Variants in LRP1B observed in about 807,000 individuals in gnomAD.
The protein encoded by LRP1B is LDL receptor related protein 1B.
A neutral mutation model predicts 556.6 loss-of-function variants in LRP1B; 217 were observed. The ratio of observed to expected loss-of-function variants is 0.39; its 90% CI spans 0.35 to 0.44. The LOEUF is 0.44. Ranked by LOEUF, LRP1B falls within the 20% of genes least tolerant of loss-of-function variation. LRP1B has a pLI of 1.00. For synonymous variants in LRP1B, 2,047 were observed against 1,865.8 expected (o/e 1.10, Z -2.50); for missense variants, 5,053 against 5,620.8 (o/e 0.90, Z 3.23).
intron 75 of LRP1B, among the ~76,000 whole-genome samples, chr2:140,353,295 A>G (rs540194681): frequency 1.3e-5 from 2 of 152,212 alleles, no homozygotes; most frequent in African/African-American, 4.8e-5. Flanking sequence ...TTATTAATCC[A>G]CTTAAAATAT....
intron 32 of LRP1B, among the ~76,000 whole-genome samples, chr2:140,798,462 C>T (rs1690393590): frequency 6.6e-6 from 1 of 152,120 alleles, no homozygotes; most frequent in Admixed American, 6.5e-5. Flanking sequence ...TGCTCTCTTT[C>T]ATTTATTTTT....
rs375213454 is a variant in LRP1B, at chr2:141,668,985, T to C, written c.205+141294A>G. On this transcript the variant is annotated intron_variant, in intron 2 of 90. Coordinates refer to ENST00000389484, the MANE Select transcript of LRP1B (RefSeq NM_018557.3). ...CCCCTGTGGCACGTCACAATACCCT[T>C]GTGATGGGGGTCAAGGAACTCTGCT... 1.0e-3 allele frequency among the ~76,000 whole-genome samples: 157 copies of C among 152,208 alleles called. 1 individual carries two copies. The highest frequency in any genetic ancestry group is 3.3e-3 in the East Asian group (17 of 5,162).
At chr2:140,461,960 A>C (rs1294571553) in intron 60 of LRP1B, among the ~76,000 whole-genome samples, 1 of 152,364 alleles carries the variant, frequency 6.6e-6, no homozygotes, top group Non-Finnish European at 1.5e-5. Context: ...TTTACAGAGT[A>C]ACATGAGCTT....
At chr2:140,868,038 C>T (rs2105155496) in intron 26 of LRP1B, 61 bp downstream of exon 26, 1 of 1,500,758 alleles carries the variant, frequency 6.7e-7, no homozygotes, top group East Asian at 2.3e-5. Flanking sequence ...GGACACTTTC[C>T]AATGTTGTAA....
intron 18 of LRP1B, among the ~76,000 whole-genome samples, chr2:140,970,744 T>C (rs202147537): frequency 0.73 from 75,030 of 103,276 alleles, 26,405 homozygotes; most frequent in Admixed American, 0.77. Context: ...TTTTTTTTTT[T>C]TTTTTTTTTT....
chr2:142,052,807 G>A (rs933058947), intron 1 of LRP1B, among the ~76,000 whole-genome samples: 1 of 152,118 alleles, frequency 6.6e-6, no homozygotes, highest in African/African-American at 2.4e-5. Context: ...TGTGCCAAAA[G>A]CTGACTCTAT....
At position 140,907,982 on chromosome 2, in the gene LRP1B, G is replaced by A. The variant is rs1255478119; in HGVS notation, c.3415C>T (p.Pro1139Ser). The change falls in exon 22 of 91, where the codon CCC becomes TCC. Residue 1139 changes from proline (P) to serine (S), a missense_variant. Around this residue, in one of 5 missense-constraint regions of LRP1B, gnomAD observed 3,619 missense variants for 3,931.9 expected, o/e 0.92. Coordinates refer to ENST00000389484, the MANE Select transcript of LRP1B (RefSeq NM_018557.3). ...GTGTCATTAGCACAAGGATGCTTGG[G>A]TGGTCCACACAAGAAACTGTCACAG... Reference protein sequence around the residue: ...DDCDSFLCGPPKHPCANDTSV... With the variant: ...DDCDSFLCGPSKHPCANDTSV... The A allele has an allele frequency of 3.1e-6, 5 of 1,613,400 alleles. No homozygotes were observed. The highest frequency in any genetic ancestry group is 4.2e-6 in the Non-Finnish European group (5 of 1,179,706).
intron 2 of LRP1B, among the ~76,000 whole-genome samples, chr2:141,614,403 T>G (rs905647748): frequency 1.3e-5 from 2 of 152,210 alleles, no homozygotes; most frequent in African/African-American, 4.8e-5. Context: ...AGTCATGTGA[T>G]GAACTGAGTA....
In LRP1B at chr2:141,389,591, G is replaced by A. The variant is rs781604064; in HGVS notation, c.343+90805C>T. On this transcript the variant is annotated intron_variant, in intron 3 of 90. Coordinates refer to ENST00000389484, the MANE Select transcript of LRP1B (RefSeq NM_018557.3). The stretch of plus-strand genomic sequence containing the variant: ...TTCTTAGATACGAGAACAAACGCAC[G>A]AGGAGCAACAACAACAACAACAACA... Among the ~76,000 whole-genome samples the A allele has an allele frequency of 4.6e-5, 7 of 151,218 alleles. No homozygotes were observed. In the East Asian group the frequency reaches 5.8e-4, roughly 13 times the overall value.
chr2:141,752,651 GGTGT>G (rs35485226), intron 2 of LRP1B, among the ~76,000 whole-genome samples: 1 of 149,704 alleles, frequency 6.7e-6, no homozygotes, highest in African/African-American at 2.4e-5. Context: ...AATCTTGGGT[GGTGT>G]GTGTGTGTGT....
chr2:142,015,864 C>A (rs1399386451), intron 1 of LRP1B, among the ~76,000 whole-genome samples: 1 of 151,492 alleles, frequency 6.6e-6, no homozygotes, highest in Non-Finnish European at 1.5e-5. Context: ...TGGTGGCGGG[C>A]GCCTGTAGTC....
chr2:141,122,348 C>T (rs967578480), intron 7 of LRP1B, among the ~76,000 whole-genome samples: 2 of 151,500 alleles, frequency 1.3e-5, no homozygotes, highest in African/African-American at 2.4e-5. Flanking sequence ...TTGCAATCTA[C>T]TCATCTGACA....
chr2:140,241,230 G>T (rs1355281996), intron 87 of LRP1B, among the ~76,000 whole-genome samples: 7 of 150,828 alleles, frequency 4.6e-5, no homozygotes, highest in African/African-American at 1.7e-4. Context: ...AGCAATTAAT[G>T]AAAGAGAATC....
At chr2:141,614,692 G>T (rs1688232273) in intron 2 of LRP1B, among the ~76,000 whole-genome samples, 1 of 151,744 alleles carries the variant, frequency 6.6e-6, no homozygotes, top group African/African-American at 2.4e-5. Flanking sequence ...GCCAAAGATT[G>T]TTTGCCTTCA....
chr2:140,542,028 C>T lies in LRP1B; in HGVS notation c.7195-57G>A, dbSNP rs986884214. 4.3e-6 allele frequency: 5 copies of T among 1,149,714 alleles called. No individual in the cohort carries two copies. In the African/African-American group the frequency reaches 4.7e-5, roughly 11 times the overall value. 71.2% of individuals were successfully genotyped at this position (1,149,714 alleles called of 1,614,324 possible). A position where few individuals can be genotyped will look rare whatever the true frequency, so the allele number is the denominator to read the frequency against. ...ATGAATATATAGACATTTATACGTC[C>T]ACACCTATTTTTGCTTCAAAAATAA... is the stretch of plus-strand genomic sequence containing the variant. On this transcript the variant is annotated intron_variant, in intron 43 of 90. Transcript: ENST00000389484.
intron 20 of LRP1B, among the ~76,000 whole-genome samples, chr2:140,928,718 A>T (rs1297610401): frequency 1.3e-5 from 2 of 152,094 alleles, no homozygotes; most frequent in Admixed American, 6.6e-5. Flanking sequence ...ATCAGGAATG[A>T]CTTGGTTATA....
intron 2 of LRP1B, among the ~76,000 whole-genome samples, chr2:141,625,321 T>A (rs1559186838): frequency 6.6e-6 from 1 of 152,148 alleles, no homozygotes; most frequent in Non-Finnish European, 1.5e-5. Context: ...AATATTATAC[T>A]CAATGATAGG....
At chr2:141,623,377 C>T (rs1343794664) in intron 2 of LRP1B, among the ~76,000 whole-genome samples, 2 of 152,016 alleles carry the variant, frequency 1.3e-5, no homozygotes, top group African/African-American at 4.8e-5. Flanking sequence ...TGTTCCACAC[C>T]CTAAGGATTC....
At chr2:140,854,321 T>A (rs1194966078) in intron 27 of LRP1B, among the ~76,000 whole-genome samples, 1 of 152,080 alleles carries the variant, frequency 6.6e-6, no homozygotes, top group African/African-American at 2.4e-5. Flanking sequence ...AAGGCAGAGA[T>A]ATTAAGTTTC....
Sources: gnomAD v4.1 joint callset for allele counts (sites outside exome capture counted in the v4.1 genomes callset) on GRCh38, gnomAD v4.1.1 for gene constraint, gnomAD v4.1.1 regional missense constraint, MANE v1.5 for transcripts, NCBI Gene and HGNC (gene_info 2026-07-23, HGNC 2026-07-21) for gene names.